Variants in CSMD1 observed in about 807,000 individuals in gnomAD.
CSMD1 encodes CUB and sushi domain-containing protein 1.
A neutral mutation model predicts 417.5 loss-of-function variants in CSMD1; 213 were observed. That is an observed-to-expected ratio of 0.51 (90% CI 0.46 to 0.57). CSMD1 has a LOEUF of 0.57. Among genes scored for constraint, CSMD1 ranks in the 20% least tolerant of loss-of-function variants. The pLI, the probability that CSMD1 is intolerant of heterozygous loss-of-function variation, is 0.00. For missense variants in CSMD1, 6,923 were observed against 4,529.7 expected (o/e 1.53, Z -15.17); for synonymous variants, 2,862 against 1,736.8 (o/e 1.65, Z -16.11).
At chr8:3,836,635 A>G (rs950045157) in intron 5 of CSMD1, among the ~76,000 whole-genome samples, 1 of 152,178 alleles carries the variant, frequency 6.6e-6, no homozygotes, top group Non-Finnish European at 1.5e-5. Context: ...CCTGAATCAA[A>G]TTACACATTC....
chr8:4,362,875 C>T (rs770636848), intron 3 of CSMD1, among the ~76,000 whole-genome samples: 5 of 152,240 alleles, frequency 3.3e-5, no homozygotes, highest in Non-Finnish European at 5.9e-5. Context: ...ATTCATGGCT[C>T]ATCTGAGTTA....
At chr8:3,632,995 TGA>T (rs1563217040) in intron 7 of CSMD1, among the ~76,000 whole-genome samples, 1 of 152,270 alleles carries the variant, frequency 6.6e-6, no homozygotes, top group African/African-American at 2.4e-5. Flanking sequence ...CTCTCGCACC[TGA>T]GAGATATGTT....
intron 1 of CSMD1, among the ~76,000 whole-genome samples, chr8:4,847,096 G>C (rs1801188292): frequency 1.3e-5 from 2 of 152,132 alleles, no homozygotes; most frequent in South Asian, 2.1e-4. Flanking sequence ...CTCTGCTCGT[G>C]TATCAAGCTT....
intron 3 of CSMD1, among the ~76,000 whole-genome samples, chr8:4,201,627 A>C: frequency 6.6e-6 from 1 of 150,868 alleles, no homozygotes; most frequent in African/African-American, 2.4e-5. Flanking sequence ...TATAAAATAC[A>C]AATAAGCCTT....
intron 10 of CSMD1, among the ~76,000 whole-genome samples, chr8:3,548,798 G>A (rs191162785): frequency 6.6e-6 from 1 of 151,802 alleles, no homozygotes; most frequent in Non-Finnish European, 1.5e-5. Flanking sequence ...CACCTTCTCA[G>A]GTTTCTAAGC....
At chr8:3,827,992 C>G (rs1489619272) in intron 5 of CSMD1, among the ~76,000 whole-genome samples, 2 of 152,154 alleles carry the variant, frequency 1.3e-5, no homozygotes, top group African/African-American at 4.8e-5. Context: ...TAAACAGAAA[C>G]AACCTCATGC....
At chr8:4,272,245 T>C (rs1475321697) in intron 3 of CSMD1, among the ~76,000 whole-genome samples, 2 of 152,226 alleles carry the variant, frequency 1.3e-5, no homozygotes, top group African/African-American at 2.4e-5. Flanking sequence ...ATGCCCTTAA[T>C]AGGTTCTTCG....
intron 5 of CSMD1, among the ~76,000 whole-genome samples, chr8:3,945,629 C>T (rs1217755178): frequency 6.6e-6 from 1 of 152,062 alleles, no homozygotes; most frequent in African/African-American, 2.4e-5. Flanking sequence ...CTGGTTAACT[C>T]ACAGTATTAA....
Position 3,142,566 on chromosome 8 carries a change from G to A in CSMD1, c.6140C>T (p.Thr2047Met), listed in dbSNP as rs778560729. The change falls in exon 41 of 70, where the codon ACG (threonine) becomes ATG (methionine). Residue 2047 changes from threonine to methionine, a missense_variant. Thr to Met is a moderately conservative substitution (Grantham distance 81). Coordinates refer to ENST00000635120, the MANE Select transcript of CSMD1 (RefSeq NM_033225.6). The stretch of plus-strand genomic sequence containing the variant: ...GCTCAGCAGGGCCGCGGGGAGATCC[G>A]TGCCGCTAAATTGTCCAATCATGGG... The part of the protein sequence containing the change: ...TSPMIGQFSG[T>M]DLPAALLSTT... The A allele has an allele frequency of 8.9e-5, 144 of 1,613,926 alleles. No individual in the cohort carries two copies. Among genetic ancestry groups the A allele is most frequent in the African/African-American group, 1.3e-4 (10 of 75,020 alleles).
At chr8:4,445,088 A>T (rs1798703563) in intron 2 of CSMD1, among the ~76,000 whole-genome samples, 3 of 152,218 alleles carry the variant, frequency 2.0e-5, no homozygotes. Flanking sequence ...TTAACATGTT[A>T]CTTCTCTGAA....
intron 3 of CSMD1, among the ~76,000 whole-genome samples, chr8:4,276,557 G>A (rs1166772387): frequency 1.3e-5 from 2 of 152,016 alleles, no homozygotes; most frequent in Non-Finnish European, 2.9e-5. Flanking sequence ...AAACCTGCAC[G>A]TTCTGCACAT....
chr8:3,749,695 G>T (rs191577918), intron 6 of CSMD1, among the ~76,000 whole-genome samples: 1 of 152,084 alleles, frequency 6.6e-6, no homozygotes, highest in Admixed American at 6.5e-5. Context: ...ACCACCAGTG[G>T]GCTGATTTCA....
intron 3 of CSMD1, among the ~76,000 whole-genome samples, chr8:4,248,923 A>G (rs1251955328): frequency 2.6e-5 from 4 of 152,222 alleles, no homozygotes; most frequent in African/African-American, 9.6e-5. Context: ...GAGAATGCCT[A>G]TTTAATGCAT....
chr8:3,850,788 G>C (rs936687470), intron 5 of CSMD1, among the ~76,000 whole-genome samples: 3 of 152,188 alleles, frequency 2.0e-5, no homozygotes, highest in Non-Finnish European at 4.4e-5. Flanking sequence ...TTAGTAGTGT[G>C]TGAAAGTCCA....
intron 2 of CSMD1, among the ~76,000 whole-genome samples, chr8:4,487,877 G>T (rs764912967): frequency 6.6e-6 from 1 of 152,182 alleles, no homozygotes; most frequent in Admixed American, 6.5e-5. Flanking sequence ...AGACACTTAA[G>T]ATTGGGAGGG....
chr8:4,145,957 T>C (rs1196872353), intron 3 of CSMD1, among the ~76,000 whole-genome samples: 1 of 150,968 alleles, frequency 6.6e-6, no homozygotes, highest in Non-Finnish European at 1.5e-5. Context: ...CTGTTTCTTG[T>C]TACCGCTGTC....
At chr8:3,689,988 T>C (rs568226323) in intron 7 of CSMD1, among the ~76,000 whole-genome samples, 1 of 152,380 alleles carries the variant, frequency 6.6e-6, no homozygotes, top group East Asian at 1.9e-4. Flanking sequence ...ATATGCCTAA[T>C]ATTTTAACAA....
intron 3 of CSMD1, among the ~76,000 whole-genome samples, chr8:4,390,804 G>C (rs963329299): frequency 6.6e-5 from 10 of 152,016 alleles, no homozygotes; most frequent in African/African-American, 2.4e-4. Context: ...GCCTCCCAAA[G>C]TGCTGGGATT....
At chr8:4,421,304 T>C (rs1325702220) in intron 2 of CSMD1, among the ~76,000 whole-genome samples, 1 of 152,172 alleles carries the variant, frequency 6.6e-6, no homozygotes, top group Non-Finnish European at 1.5e-5. Flanking sequence ...CCAGCAAGAA[T>C]ACAGAACTCA....
Sources: gnomAD v4.1 joint callset for allele counts (sites outside exome capture counted in the v4.1 genomes callset) on GRCh38, gnomAD v4.1.1 for gene constraint, MANE v1.5 for transcripts, NCBI Gene and HGNC (gene_info 2026-07-23, HGNC 2026-07-21) for gene names.